Variants in FBXO21 observed in about 807,000 individuals in gnomAD.
FBXO21 encodes the protein F-box only protein 21.
FBXO21 carries 32 observed loss-of-function variants against 76.6 expected under a neutral mutation model. The observed-to-expected ratio is 0.42, with a 90% confidence interval of 0.32 to 0.56. FBXO21 has a LOEUF of 0.56. FBXO21 is among the 20% of genes least tolerant of loss of function. FBXO21 has a pLI of 0.16. For synonymous variants in FBXO21, 328 were observed against 311.5 expected (o/e 1.05, Z -0.56); for missense variants, 586 against 797.3 (o/e 0.73, Z 3.19).
chr12:117,174,691 C>G lies in FBXO21; in HGVS notation c.699G>C (p.Arg233=), dbSNP rs1956155953. The G allele has an allele frequency of 1.2e-6, 2 of 1,614,016 alleles. No individual in the cohort carries two copies. The change falls in exon 5 of 12, where the codon CGG becomes CGC. Residue 233 remains arginine (R), a synonymous_variant. Transcript: ENST00000622495. ...AGCTGGGGTGGCGACTGTTTATGCCCCGAAGGGTTTTGCAAACAAGCTCCA... is the reference window on the plus strand; with the variant it reads ...AGCTGGGGTGGCGACTGTTTATGCCGCGAAGGGTTTTGCAAACAAGCTCCA... The part of the protein sequence containing the change: ...SIVELVCKTL[R]GINSRHPSLA...
chr12:117,164,518 C>T (rs1956028272), intron 9 of FBXO21, among the ~76,000 whole-genome samples: 2 of 152,078 alleles, frequency 1.3e-5, no homozygotes, highest in Non-Finnish European at 1.5e-5. Flanking sequence ...TCAGGTGATC[C>T]ACCTGCTTCA....
chr12:117,151,233 C>T (rs1181955226), intron 11 of FBXO21, among the ~76,000 whole-genome samples: 1 of 151,952 alleles, frequency 6.6e-6, no homozygotes, highest in Non-Finnish European at 1.5e-5. Flanking sequence ...CAGAAGGAGG[C>T]GGGACAGGAG....
intron 11 of FBXO21, among the ~76,000 whole-genome samples, chr12:117,147,557 C>G (rs1222589450): frequency 7.1e-6 from 1 of 139,936 alleles, no homozygotes; most frequent in East Asian, 2.0e-4. Flanking sequence ...AAGATCACAC[C>G]ACTGCACTCC....
intron 9 of FBXO21, among the ~76,000 whole-genome samples, chr12:117,161,215 A>G (rs951318786): frequency 6.6e-6 from 1 of 152,170 alleles, no homozygotes; most frequent in African/African-American, 2.4e-5. Flanking sequence ...ACAGCTGGGC[A>G]GAAGTGAGCC....
intron 7 of FBXO21, 112 bp downstream of exon 7, chr12:117,172,359 C>G (rs752521294): frequency 1.3e-4 from 157 of 1,182,972 alleles, no homozygotes; most frequent in Non-Finnish European, 8.4e-5. Context: ...CCACCCTAGT[C>G]CTATTTTTAA....
chr12:117,177,887 A>T (rs544255028), intron 3 of FBXO21, among the ~76,000 whole-genome samples: 2 of 152,292 alleles, frequency 1.3e-5, no homozygotes, highest in East Asian at 3.9e-4. Flanking sequence ...TCATAAAAGG[A>T]AATGGAAGAG....
At chr12:117,189,040 A>C in intron 2 of FBXO21, 187 bp downstream of exon 2, 1 of 672,062 alleles carries the variant, frequency 1.5e-6, no homozygotes, top group Non-Finnish European at 2.5e-6. Flanking sequence ...GCTGGCACAG[A>C]CAAATGGCTT....
In FBXO21 at chr12:117,174,115, C is replaced by A. The variant is rs1592889451; in HGVS notation, c.876+90G>T. 13 of 1,088,454 alleles carry A rather than the reference C, an allele frequency of 1.2e-5. No individual in the cohort carries two copies. The East Asian group carries it at 3.1e-4, about 26-fold the overall frequency. 67.4% of individuals were successfully genotyped at this position (1,088,454 alleles called of 1,614,324 possible). A position where few individuals can be genotyped will look rare whatever the true frequency, so the allele number is the denominator to read the frequency against. On this transcript the variant is annotated intron_variant, in intron 6 of 11. Coordinates refer to ENST00000622495, the MANE Select transcript of FBXO21 (RefSeq NM_015002.3). ...TCGCGCCACTGCATTCCAGCCTGAG[C>A]AACAGAGCGAGACCCTGTCTCTAAA...
intron 9 of FBXO21, among the ~76,000 whole-genome samples, chr12:117,159,746 A>G (rs571297479): frequency 5.2e-4 from 79 of 152,028 alleles, no homozygotes; most frequent in Non-Finnish European, 9.0e-4. Context: ...CTGCCCCTCC[A>G]CTGTGTTCCA....
At chr12:117,148,463 G>C (rs896014609) in intron 11 of FBXO21, among the ~76,000 whole-genome samples, 10 of 152,258 alleles carry the variant, frequency 6.6e-5, no homozygotes, top group African/African-American at 2.4e-4. Flanking sequence ...CTGTTTGTAA[G>C]ATCCTCCAAG....
intron 1 of FBXO21, among the ~76,000 whole-genome samples, chr12:117,189,849 C>T (rs1179259484): frequency 6.6e-6 from 1 of 152,232 alleles, no homozygotes; most frequent in African/African-American, 2.4e-5. Flanking sequence ...TCTGTGCCGT[C>T]CACAACCAGC....
rs1402808138 is a variant in FBXO21 at position 117,165,607 on chromosome 12, C to G, written c.1204G>C (p.Asp402His). Residue 402 changes from aspartate (D) to histidine (H), a missense_variant, in exon 9 of 12, where the codon GAC (aspartate) becomes CAC (histidine). By Grantham distance (81) the Asp-to-His change is moderately conservative (BLOSUM62 -1). Coordinates refer to ENST00000622495, the MANE Select transcript of FBXO21 (RefSeq NM_015002.3). ...LLSLGKREGI[D>H]QSYQLLRDSL... is the part of the protein sequence containing the mutation. The stretch of plus-strand genomic sequence containing the variant: ...TCTCTCAGGAGCTGGTATGACTGGT[C>G]GATGCCTTCCCTAGCAGAGGAAAAA... 1 of 1,607,368 alleles carries G rather than the reference C, an allele frequency of 6.2e-7. No homozygotes were observed. The highest frequency in any genetic ancestry group is 8.5e-7 in the Non-Finnish European group (1 of 1,175,780).
intron 11 of FBXO21, among the ~76,000 whole-genome samples, chr12:117,150,624 T>G (rs1000164652): frequency 7.8e-6 from 1 of 128,172 alleles, no homozygotes; most frequent in Admixed American, 9.5e-5. Context: ...ACTAGAAGAC[T>G]CCTTGTGAAT....
chr12:117,167,745 C>CAA (rs113871818), intron 7 of FBXO21, among the ~76,000 whole-genome samples: 24,426 of 134,192 alleles, frequency 0.18, 2,720 homozygotes, highest in Admixed American at 0.34. Context: ...GACTCTGTCT[C>CAA]AAAAAAAAAA....
intron 10 of FBXO21, among the ~76,000 whole-genome samples, chr12:117,156,948 C>T (rs956952160): frequency 2.0e-5 from 3 of 152,082 alleles, no homozygotes; most frequent in Non-Finnish European, 4.4e-5. Context: ...CTTTGGGAGC[C>T]TGAGACGGCA....
At chr12:117,154,059 C>T (rs1467090537) in intron 11 of FBXO21, among the ~76,000 whole-genome samples, 1 of 152,178 alleles carries the variant, frequency 6.6e-6, no homozygotes, top group Non-Finnish European at 1.5e-5. Flanking sequence ...AAAGAAAATG[C>T]TCATTTATTC....
intron 10 of FBXO21, among the ~76,000 whole-genome samples, chr12:117,156,705 G>C (rs1193144320): frequency 6.6e-6 from 1 of 152,100 alleles, no homozygotes; most frequent in Non-Finnish European, 1.5e-5. Context: ...GTTCCTTATA[G>C]TCCTTTCTCT....
At chr12:117,180,965 C>T (rs1055652806) in intron 3 of FBXO21, among the ~76,000 whole-genome samples, 5 of 152,162 alleles carry the variant, frequency 3.3e-5, no homozygotes, top group African/African-American at 1.2e-4. Context: ...TTCTCCCCCA[C>T]TGTCCATTCA....
rs749016545 is a variant in FBXO21, at chr12:117,146,321, T to C, written c.1676-44A>G. ...ACGGGCATTCTCATTACAATGTCCA[T>C]TGCTGCCACACCTTTCATCCAGAGA... On this transcript the variant is annotated intron_variant, in intron 11 of 11. Transcript: ENST00000622495. 22 of 1,504,472 alleles carry C rather than the reference T, an allele frequency of 1.5e-5. No homozygotes were observed. In the East Asian group the frequency reaches 3.0e-4, roughly 20 times the overall value. 93.2% of individuals were successfully genotyped at this position (1,504,472 alleles called of 1,614,324 possible). A position where few individuals can be genotyped will look rare whatever the true frequency, so the allele number is the denominator to read the frequency against.
Sources: gnomAD v4.1 joint callset for allele counts (sites outside exome capture counted in the v4.1 genomes callset) on GRCh38, gnomAD v4.1.1 for gene constraint, MANE v1.5 for transcripts, NCBI Gene and HGNC (gene_info 2026-07-23, HGNC 2026-07-21) for gene names.